The following RALYL variants were observed in gnomAD, a reference collection of about 807,000 sequenced individuals.
RALYL encodes the protein RALY RNA binding protein like.
A neutral mutation model predicts 35.1 loss-of-function variants in RALYL; 29 were observed. The observed-to-expected ratio is 0.83, with a 90% CI of 0.61 to 1.13. The LOEUF (loss-of-function observed/expected upper bound fraction) is 1.13. RALYL is among the 50% of genes most tolerant of loss of function. The probability of loss-of-function intolerance (pLI) is 0.00; values close to 1 mark genes in which losing one functional copy is unlikely to be tolerated. For synonymous variants in RALYL, 120 were observed against 127.6 expected (o/e 0.94, Z 0.40); for missense variants, 359 against 360.4 (o/e 1.00, Z 0.03).
intron 1 of RALYL, among the ~76,000 whole-genome samples, chr8:84,188,103 T>G (rs1812966762): frequency 6.6e-6 from 1 of 152,062 alleles, no homozygotes. Context: ...TGTTTATTTT[T>G]ATTTTTTCTT....
chr8:84,419,076 G>A (rs1020428625), intron 1 of RALYL, among the ~76,000 whole-genome samples: 2 of 152,068 alleles, frequency 1.3e-5, no homozygotes, highest in African/African-American at 4.8e-5. Flanking sequence ...AAAAAGATAA[G>A]GTGAAAAGAG....
At chr8:84,572,770 A>T (rs1168150635) in intron 2 of RALYL, among the ~76,000 whole-genome samples, 1 of 151,810 alleles carries the variant, frequency 6.6e-6, no homozygotes, top group Non-Finnish European at 1.5e-5. Context: ...ATTCAGTCTT[A>T]AGATATCTGC....
At chr8:84,565,269 T>A (rs1233669562) in intron 2 of RALYL, among the ~76,000 whole-genome samples, 2 of 151,588 alleles carry the variant, frequency 1.3e-5, no homozygotes, top group Non-Finnish European at 3.0e-5. Context: ...ACTATGTGTT[T>A]TCATAGCCAT....
intron 2 of RALYL, among the ~76,000 whole-genome samples, chr8:84,772,508 T>G (rs981074135): frequency 2.0e-5 from 3 of 152,084 alleles, no homozygotes; most frequent in Non-Finnish European, 4.4e-5. Context: ...AACTGTAAAA[T>G]TTTTCAATAC....
At chr8:84,783,640 C>A (rs575391649) in intron 3 of RALYL, among the ~76,000 whole-genome samples, 1 of 152,158 alleles carries the variant, frequency 6.6e-6, no homozygotes, top group African/African-American at 2.4e-5. Flanking sequence ...CTCCTGCCCC[C>A]ACTCTGCCTC....
At chr8:84,530,128 G>A (rs1232233457) in intron 2 of RALYL, among the ~76,000 whole-genome samples, 1 of 151,946 alleles carries the variant, frequency 6.6e-6, no homozygotes, top group East Asian at 1.9e-4. Context: ...TCTGTCTAAT[G>A]TTCAAGAAAT....
At chr8:84,648,581 A>G (rs1056757927) in intron 2 of RALYL, among the ~76,000 whole-genome samples, 8 of 152,026 alleles carry the variant, frequency 5.3e-5, no homozygotes, top group African/African-American at 1.9e-4. Context: ...AGAAAAATCT[A>G]AAACTTTAGA....
chr8:84,682,247 T>C (rs1328559412), intron 2 of RALYL, among the ~76,000 whole-genome samples: 1 of 152,212 alleles, frequency 6.6e-6, no homozygotes, highest in African/African-American at 2.4e-5. Context: ...TTTGCCATTA[T>C]TGTATTGAGG....
chr8:84,836,967 A>G (rs1019275972), intron 4 of RALYL, among the ~76,000 whole-genome samples: 1 of 152,118 alleles, frequency 6.6e-6, no homozygotes, highest in African/African-American at 2.4e-5. Flanking sequence ...TTTTTCTACC[A>G]CCAGATTTCT....
At chr8:84,707,292 G>A (rs1341832056) in intron 2 of RALYL, among the ~76,000 whole-genome samples, 2 of 152,154 alleles carry the variant, frequency 1.3e-5, no homozygotes, top group Admixed American at 1.3e-4. Context: ...AGGTAAAAAT[G>A]ATTGGTGTGA....
intron 1 of RALYL, among the ~76,000 whole-genome samples, chr8:84,496,901 C>T (rs541311832): frequency 1.1e-4 from 17 of 152,142 alleles, no homozygotes; most frequent in Admixed American, 1.0e-3. Flanking sequence ...GGCATTATGA[C>T]CCAGAAATGC....
At chr8:84,650,631 A>C (rs1404736533) in intron 2 of RALYL, among the ~76,000 whole-genome samples, 1 of 152,036 alleles carries the variant, frequency 6.6e-6, no homozygotes, top group Admixed American at 6.6e-5. Flanking sequence ...GTGGGACTGT[A>C]AACTAGTTCA....
At chr8:84,853,164 A>G in intron 5 of RALYL, among the ~76,000 whole-genome samples, 1 of 152,198 alleles carries the variant, frequency 6.6e-6, no homozygotes. Flanking sequence ...CTGGGAATGC[A>G]GCCCAGCAAG....
intron 1 of RALYL, among the ~76,000 whole-genome samples, chr8:84,229,297 G>T (rs1176012084): frequency 6.6e-6 from 1 of 152,136 alleles, no homozygotes; most frequent in Non-Finnish European, 1.5e-5. Context: ...ATTTCTCTGA[G>T]TCTTCATAAG....
chr8:84,635,492 C>A (rs944828678), intron 2 of RALYL, among the ~76,000 whole-genome samples: 1 of 151,502 alleles, frequency 6.6e-6, no homozygotes, highest in Non-Finnish European at 1.5e-5. Flanking sequence ...GTTTTCCAAG[C>A]ACAATAGAAT....
chr8:84,280,353 T>A lies in RALYL; in HGVS notation c.-24+95929T>A, dbSNP rs531514599. Among the ~76,000 whole-genome samples, 19 of 152,008 alleles carry A rather than the reference T, an allele frequency of 1.2e-4. 2 individuals carry two copies. Among genetic ancestry groups the A allele is most frequent in the African/African-American group, 4.6e-4 (19 of 41,340 alleles). On this transcript the variant is annotated intron_variant, in intron 1 of 8. Coordinates refer to ENST00000521268, the MANE Select transcript of RALYL (RefSeq NM_173848.7). ...AAAACAATATACCAAAATTTCTACA[T>A]GGAAAAATATTAATTTACAGATATT...
intron 4 of RALYL, among the ~76,000 whole-genome samples, chr8:84,840,631 T>G (rs1171011737): frequency 6.6e-6 from 1 of 152,150 alleles, no homozygotes; most frequent in Non-Finnish European, 1.5e-5. Context: ...ACAAAGATGC[T>G]ACTTGAGAAG....
intron 1 of RALYL, among the ~76,000 whole-genome samples, chr8:84,417,282 G>GT (rs528708059): frequency 1.4e-3 from 207 of 152,202 alleles, no homozygotes; most frequent in African/African-American, 4.0e-3. Flanking sequence ...AAGAGAGTCA[G>GT]TTTTTTCTGA....
chr8:84,431,051 C>A (rs1003522841), intron 1 of RALYL, among the ~76,000 whole-genome samples: 17 of 152,130 alleles, frequency 1.1e-4, no homozygotes, highest in African/African-American at 3.4e-4. Flanking sequence ...CATAAAATCT[C>A]TGGGAGAATT....
Sources: gnomAD v4.1 joint callset for allele counts (sites outside exome capture counted in the v4.1 genomes callset) on GRCh38, gnomAD v4.1.1 for gene constraint, MANE v1.5 for transcripts, NCBI Gene and HGNC (gene_info 2026-07-23, HGNC 2026-07-21) for gene names.